The following STX8 variants were observed in gnomAD, a reference collection of about 807,000 sequenced individuals.
STX8 encodes syntaxin 8, also known as syntaxin-8.
A neutral mutation model predicts 37.5 loss-of-function variants in STX8; 23 were observed. The observed-to-expected ratio is 0.61, with a 90% CI of 0.44 to 0.87. STX8 has a LOEUF of 0.87. Ranked by LOEUF, STX8 falls within the 40% of genes least tolerant of loss-of-function variation. The pLI, the probability that STX8 is intolerant of heterozygous loss-of-function variation, is 0.00. For missense variants in STX8, 313 were observed against 284.7 expected (o/e 1.10, Z -0.71); for synonymous variants, 115 against 99.1 (o/e 1.16, Z -0.95).
At chr17:9,351,321 C>T (rs377244120) in intron 7 of STX8, among the ~76,000 whole-genome samples, 16 of 151,834 alleles carry the variant, frequency 1.1e-4, no homozygotes, top group Middle Eastern at 6.8e-3. Flanking sequence ...CCACACCTGG[C>T]TAATTTTTTG....
At chr17:9,343,018 CAAAAAA>C (rs4063994) in intron 7 of STX8, among the ~76,000 whole-genome samples, 64,864 of 115,558 alleles carry the variant, frequency 0.56, 16,161 homozygotes, top group East Asian at 0.73. Flanking sequence ...GAAACTGTCT[CAAAAAA>C]AAAAAAAAAA....
At chr17:9,554,015 A>G (rs1319582552) in intron 3 of STX8, 1 of 152,112 alleles carries the variant, frequency 6.6e-6, no homozygotes, top group East Asian at 1.9e-4. Flanking sequence ...TAATCTCAGC[A>G]CTTTGGGAGA....
chr17:9,351,816 A>G (rs1216538734), intron 7 of STX8, among the ~76,000 whole-genome samples: 1 of 152,044 alleles, frequency 6.6e-6, no homozygotes, highest in East Asian at 1.9e-4. Flanking sequence ...TCAAGTTAAC[A>G]TTTTTGGCAT....
At chr17:9,435,674 G>A (rs1904407277) in intron 6 of STX8, among the ~76,000 whole-genome samples, 1 of 152,160 alleles carries the variant, frequency 6.6e-6, no homozygotes, top group Non-Finnish European at 1.5e-5. Flanking sequence ...CGATTAAAGA[G>A]GGCCTTTAGT....
At chr17:9,561,051 C>T (rs1037131556) in intron 2 of STX8, among the ~76,000 whole-genome samples, 1 of 151,986 alleles carries the variant, frequency 6.6e-6, no homozygotes, top group Non-Finnish European at 1.5e-5. Context: ...AGCTATGACA[C>T]ACCAAAGTAA....
chr17:9,528,424 A>C (rs1905667909), intron 4 of STX8, among the ~76,000 whole-genome samples: 1 of 152,164 alleles, frequency 6.6e-6, no homozygotes, highest in South Asian at 2.1e-4. Context: ...TAGCCTCCTG[A>C]GTAGCTGGGA....
At chr17:9,561,076 A>G (rs954396004) in intron 2 of STX8, among the ~76,000 whole-genome samples, 2 of 152,158 alleles carry the variant, frequency 1.3e-5, no homozygotes, top group African/African-American at 4.8e-5. Flanking sequence ...CAAGTATTTC[A>G]AAGATTTACA....
At chr17:9,563,190 T>C (rs1227175197) in intron 2 of STX8, among the ~76,000 whole-genome samples, 2 of 146,772 alleles carry the variant, frequency 1.4e-5, no homozygotes, top group African/African-American at 5.4e-5. Flanking sequence ...TATTTATTTA[T>C]TTATTTATTG....
chr17:9,381,100 T>C (rs1224190381), intron 6 of STX8, among the ~76,000 whole-genome samples: 2 of 152,332 alleles, frequency 1.3e-5, no homozygotes, highest in East Asian at 3.9e-4. Flanking sequence ...ATACCATACA[T>C]ATAGCCTAGG....
chr17:9,267,227 C>T (rs1448028718), intron 7 of STX8, among the ~76,000 whole-genome samples: 1 of 152,040 alleles, frequency 6.6e-6, no homozygotes, highest in Non-Finnish European at 1.5e-5. Context: ...TCCTCTATGC[C>T]GAAAAGTGGG....
At chr17:9,400,435 C>T (rs1306692575) in intron 6 of STX8, among the ~76,000 whole-genome samples, 5 of 148,930 alleles carry the variant, frequency 3.4e-5, no homozygotes, top group African/African-American at 5.0e-5. Context: ...GATGGAGTCT[C>T]GCGCTGTCAC....
At chr17:9,270,988 G>A (rs1049756529) in intron 7 of STX8, among the ~76,000 whole-genome samples, 13 of 152,098 alleles carry the variant, frequency 8.5e-5, no homozygotes, top group African/African-American at 2.4e-4. Context: ...GAATCAAATC[G>A]CCTCAGTTCA....
chr17:9,551,059 G>C (rs11869310), intron 3 of STX8, among the ~76,000 whole-genome samples: 2,357 of 152,250 alleles, frequency 0.015, 65 homozygotes, highest in African/African-American at 0.053. Context: ...TGGGCAACAA[G>C]AGTGAAACTC....
chr17:9,453,111 G>A (rs1414386940), intron 6 of STX8, among the ~76,000 whole-genome samples: 1 of 152,074 alleles, frequency 6.6e-6, no homozygotes, highest in East Asian at 2.0e-4. Context: ...TGGCCAGGAT[G>A]GGCCTTCTTT....
chr17:9,488,821 A>AGTGTGTGT (rs71135988), intron 6 of STX8, among the ~76,000 whole-genome samples: 2,583 of 143,994 alleles, frequency 0.018, 43 homozygotes, highest in African/African-American at 0.037. Context: ...AGAGAGAGAG[A>AGTGTGTGT]GTGTGTGTGT....
chr17:9,508,440 C>T (rs1009487176), intron 4 of STX8, among the ~76,000 whole-genome samples: 2 of 152,072 alleles, frequency 1.3e-5, no homozygotes, highest in African/African-American at 2.4e-5. Flanking sequence ...GATTCTCCCT[C>T]CTCAGTCCTC....
At position 9,489,691 on chromosome 17, in the gene STX8, C is replaced by CTTTTTTTTTTT. The variant is rs4063411; in HGVS notation, c.541+2127_541+2137dup. On this transcript the variant is annotated intron_variant, in intron 6 of 7. Transcript: ENST00000306357. ...CAGATTTTCTATAAAGCTTACTTTC[C>CTTTTTTTTTTT]TTTTTTTTTTTTTTTGAGATGGATT... Among the ~76,000 whole-genome samples the CTTTTTTTTTTT allele has an allele frequency of 3.9e-5, 5 of 127,392 alleles. 1 individual carries two copies. Among genetic ancestry groups the CTTTTTTTTTTT allele is most frequent in the Non-Finnish European group, 6.4e-5 (4 of 62,058 alleles). 83.6% of individuals were successfully genotyped at this position (127,392 alleles called of 152,430 possible).
chr17:9,296,359 G>A (rs1260357067), intron 7 of STX8, among the ~76,000 whole-genome samples: 13 of 150,172 alleles, frequency 8.7e-5, no homozygotes, highest in East Asian at 2.0e-4. Context: ...TTAGCCAGGC[G>A]TGGTGGTGCG....
chr17:9,332,602 A>G (rs1341041388), intron 7 of STX8, among the ~76,000 whole-genome samples: 4 of 152,238 alleles, frequency 2.6e-5, no homozygotes, highest in Admixed American at 1.3e-4. Flanking sequence ...ATGCTTAAAC[A>G]TTCTTATGTT....
Sources: gnomAD v4.1 joint callset for allele counts (sites outside exome capture counted in the v4.1 genomes callset) on GRCh38, gnomAD v4.1.1 for gene constraint, MANE v1.5 for transcripts, NCBI Gene and HGNC (gene_info 2026-07-23, HGNC 2026-07-21) for gene names.